The following COMMD10 variants were observed in gnomAD, a reference collection of about 807,000 sequenced individuals.
The protein encoded by COMMD10 is COMM domain containing 10, also known as COMM domain-containing protein 10.
Under a neutral mutation model 28.9 loss-of-function variants are expected in COMMD10, and 33 were observed. The observed-to-expected ratio is 1.14, with a 90% CI of 0.87 to 1.53. The LOEUF (loss-of-function observed/expected upper bound fraction) is 1.53. Ranked by LOEUF, COMMD10 falls within the 40% of genes most tolerant of loss-of-function variation. The pLI is 0.00. For synonymous variants in COMMD10, 110 were observed against 81.7 expected, an observed-to-expected ratio of 1.35 and a Z score of -1.87; for missense variants, 310 against 233.4, an observed-to-expected ratio of 1.33 and a Z score of -2.14.
chr5:116,211,434 G>A (rs10463682), intron 5 of COMMD10, among the ~76,000 whole-genome samples: 1 of 152,100 alleles, frequency 6.6e-6, no homozygotes, highest in Admixed American at 6.5e-5. Context: ...TTTAAACATA[G>A]AAAAGGTAAT....
intron 5 of COMMD10, among the ~76,000 whole-genome samples, chr5:116,202,868 T>G (rs1748706456): frequency 6.6e-6 from 1 of 152,274 alleles, no homozygotes; most frequent in African/African-American, 2.4e-5. Context: ...TTTCTTTTGC[T>G]GTGCAGAAGC....
chr5:116,094,342 T>A (rs1750401049), intron 4 of COMMD10, among the ~76,000 whole-genome samples: 1 of 152,170 alleles, frequency 6.6e-6, no homozygotes, highest in South Asian at 2.1e-4. Flanking sequence ...CTAATCCCAT[T>A]TAATGTGGAC....
At chr5:116,121,595 C>G (rs1024256632) in intron 4 of COMMD10, among the ~76,000 whole-genome samples, 1 of 152,230 alleles carries the variant, frequency 6.6e-6, no homozygotes, top group African/African-American at 2.4e-5. Flanking sequence ...TACACTCCCA[C>G]CAACAGTGTA....
chr5:116,156,500 GT>G (rs759940480), intron 5 of COMMD10, among the ~76,000 whole-genome samples: 1 of 152,088 alleles, frequency 6.6e-6, no homozygotes, highest in African/African-American at 2.4e-5. Flanking sequence ...AAATGCTCAG[GT>G]TCTTACAACA....
chr5:116,277,333 G>T (rs545426336), intron 5 of COMMD10, among the ~76,000 whole-genome samples: 1 of 151,980 alleles, frequency 6.6e-6, no homozygotes, highest in Admixed American at 6.6e-5. Context: ...AGAAGATTTT[G>T]TGAATCATAA....
At chr5:116,265,148 A>G (rs1750552715) in intron 5 of COMMD10, among the ~76,000 whole-genome samples, 1 of 151,814 alleles carries the variant, frequency 6.6e-6, no homozygotes. Context: ...ACATCTAAAG[A>G]GAGCTAGAAA....
intron 4 of COMMD10, among the ~76,000 whole-genome samples, chr5:116,111,794 G>T (rs1156235649): frequency 6.6e-6 from 1 of 152,144 alleles, no homozygotes; most frequent in Non-Finnish European, 1.5e-5. Flanking sequence ...GGTACATTTT[G>T]TCTGAAGTCC....
intron 4 of COMMD10, among the ~76,000 whole-genome samples, chr5:116,094,231 A>G (rs186196423): frequency 2.5e-3 from 388 of 152,326 alleles, no homozygotes; most frequent in Non-Finnish European, 4.4e-3. Flanking sequence ...AAATGAAGAC[A>G]CAACCTGACA....
intron 5 of COMMD10, among the ~76,000 whole-genome samples, chr5:116,169,846 A>T (rs967391787): frequency 2.6e-5 from 4 of 152,196 alleles, no homozygotes; most frequent in Non-Finnish European, 4.4e-5. Flanking sequence ...TCTCAAAATA[A>T]TAAGAGCTAT....
rs570841590 is a variant in COMMD10, at chr5:116,175,620, C to G, written c.510+41442C>G. Reference sequence around the variant, plus strand: ...CAATAGCCAAAAGGTGGAGGCAACCCAAGTATTTATTTGGCAGATGCATGG... The same window carrying G: ...CAATAGCCAAAAGGTGGAGGCAACCGAAGTATTTATTTGGCAGATGCATGG... On this transcript the variant is annotated intron_variant, in intron 5 of 6. Coordinates refer to ENST00000274458, the MANE Select transcript of COMMD10 (RefSeq NM_016144.4). Among the ~76,000 whole-genome samples the G allele has an allele frequency of 2.0e-3, 3 of 1,486 alleles. No homozygotes were observed. In the South Asian group the frequency reaches 0.094, roughly 46 times the overall value. The allele number at this position is 1,486 out of a possible 152,430, so 1.0% of individuals were successfully genotyped here.
rs190589063 is a variant in COMMD10 at position 116,148,504 on chromosome 5, T to A, written c.510+14326T>A. On this transcript the variant is annotated intron_variant, in intron 5 of 6. Transcript: ENST00000274458. The stretch of plus-strand genomic sequence containing the variant: ...CTTGGTGAGAGCAGTACCATAAATA[T>A]CCCAGGATAACACCTTTGTTGTTGT... 3.6e-4 allele frequency among the ~76,000 whole-genome samples: 54 copies of A among 151,992 alleles called. No individual in the cohort carries two copies. The East Asian group carries it at 8.9e-3, about 25-fold the overall frequency.
At chr5:116,244,502 T>C (rs535404574) in intron 5 of COMMD10, among the ~76,000 whole-genome samples, 2 of 152,028 alleles carry the variant, frequency 1.3e-5, no homozygotes, top group African/African-American at 2.4e-5. Context: ...TACAATGATA[T>C]ATGTCATGAG....
At chr5:116,203,539 C>A (rs1328810653) in intron 5 of COMMD10, among the ~76,000 whole-genome samples, 1 of 152,148 alleles carries the variant, frequency 6.6e-6, no homozygotes, top group East Asian at 1.9e-4. Context: ...AACAGCGGAT[C>A]TCTCGGCAGA....
chr5:116,222,505 A>C (rs907320418), intron 5 of COMMD10, among the ~76,000 whole-genome samples: 1 of 152,196 alleles, frequency 6.6e-6, no homozygotes, highest in Non-Finnish European at 1.5e-5. Context: ...TTTTAGAAGT[A>C]GAATAAAGTC....
At chr5:116,105,232 T>C (rs111417682) in intron 4 of COMMD10, among the ~76,000 whole-genome samples, 78,105 of 152,066 alleles carry the variant, frequency 0.51, 22,350 homozygotes, top group Non-Finnish European at 0.66. Flanking sequence ...TGTTTTTTCA[T>C]TGGTTCTGTT....
chr5:116,197,898 A>G (rs923852855), intron 5 of COMMD10, among the ~76,000 whole-genome samples: 1 of 152,156 alleles, frequency 6.6e-6, no homozygotes, highest in South Asian at 2.1e-4. Flanking sequence ...TAGAAATACT[A>G]AGTGCAGATT....
intron 5 of COMMD10, among the ~76,000 whole-genome samples, chr5:116,270,817 A>G (rs969208201): frequency 6.6e-6 from 1 of 151,610 alleles, no homozygotes; most frequent in Non-Finnish European, 1.5e-5. Flanking sequence ...CATACCTGTA[A>G]TCCGAACACT....
In COMMD10 at chr5:116,131,059, C is replaced by G. The variant is rs569271383; in HGVS notation, c.400-3009C>G. Among the ~76,000 whole-genome samples the G allele has an allele frequency of 5.3e-5, 8 of 151,870 alleles. No homozygotes were observed. In the East Asian group the frequency reaches 1.2e-3, roughly 22 times the overall value. ...CGTATCTAGTTGGGGAAAGAATATA[C>G]TGATTGGACAGAACACTTAATTGGA... On this transcript the variant is annotated intron_variant, in intron 4 of 6. Coordinates refer to ENST00000274458, the MANE Select transcript of COMMD10 (RefSeq NM_016144.4).
intron 5 of COMMD10, among the ~76,000 whole-genome samples, chr5:116,243,484 A>G (rs1001787094): frequency 2.0e-5 from 3 of 152,160 alleles, no homozygotes; most frequent in African/African-American, 4.8e-5. Flanking sequence ...ACAAATTCCT[A>G]TTTGTCACAC....
Sources: allele counts gnomAD v4.1 joint callset (sites outside exome capture counted in the v4.1 genomes callset), GRCh38; gene constraint gnomAD v4.1.1; transcripts MANE v1.5; gene names NCBI Gene and HGNC (gene_info 2026-07-23, HGNC 2026-07-21).